Variants in LRP2 observed in about 807,000 individuals in gnomAD.
The protein encoded by LRP2 is LDL receptor related protein 2, also known as low-density lipoprotein receptor-related protein 2.
A neutral mutation model predicts 531.0 loss-of-function variants in LRP2; 172 were observed. That is an observed-to-expected ratio of 0.32 (90% CI 0.29 to 0.37). The LOEUF is 0.37. LRP2 is among the 10% of genes least tolerant of loss of function. The probability of loss-of-function intolerance (pLI) is 1.00; values close to 1 mark genes in which losing one functional copy is unlikely to be tolerated. For synonymous variants in LRP2, 1,992 were observed against 2,027.6 expected (o/e 0.98, Z 0.47); for missense variants, 5,167 against 5,868.3 (o/e 0.88, Z 3.90).
In LRP2 at chr2:169,185,705, C is replaced by T. The variant is rs1011386736; in HGVS notation, c.9643G>A (p.Asp3215Asn). The T allele has an allele frequency of 6.2e-7, 1 of 1,613,966 alleles. No homozygotes were observed. The highest frequency in any genetic ancestry group is 8.5e-7 in the Non-Finnish European group (1 of 1,180,004). ...AAGATGAGGGAGTAAAAATAGCCATCTATAGTTAAATTTCTCAAATAGTAA... is the reference window on the plus strand; with the variant it reads ...AAGATGAGGGAGTAAAAATAGCCATTTATAGTTAAATTTCTCAAATAGTAA... ...NRYYLRNLTIDGYFYSLILEG... is the reference protein window; with the variant it reads ...NRYYLRNLTINGYFYSLILEG... The change falls in exon 50 of 79, where the codon GAT (aspartate) becomes AAT (asparagine). Residue 3215 changes from aspartate to asparagine, a missense_variant. Around this residue, in one of 6 missense-constraint regions of LRP2, gnomAD observed 1,129 missense variants for 1,362.7 expected, o/e 0.83. Transcript: ENST00000649046.
At chr2:169,317,308 G>A (rs1055504734) in intron 3 of LRP2, among the ~76,000 whole-genome samples, 3 of 152,088 alleles carry the variant, frequency 2.0e-5, no homozygotes, top group South Asian at 4.1e-4. Flanking sequence ...TCTGTGAGAG[G>A]AGTAAGAGAA....
intron 32 of LRP2, 51 bp from the exon 33 acceptor site, chr2:169,225,504 C>T: frequency 6.2e-7 from 1 of 1,604,776 alleles, no homozygotes; most frequent in Non-Finnish European, 8.5e-7. Context: ...ATGGCTCCTA[C>T]AAAAGAACCC....
At chr2:169,178,984 G>T (rs993177295) in intron 52 of LRP2, among the ~76,000 whole-genome samples, 8 of 146,006 alleles carry the variant, frequency 5.5e-5, no homozygotes, top group African/African-American at 7.6e-5. Flanking sequence ...GTCACCATCT[G>T]ATTTATTTAT....
chr2:169,354,789 CT>C (rs1333518589), intron 1 of LRP2, among the ~76,000 whole-genome samples: 1 of 152,180 alleles, frequency 6.6e-6, no homozygotes, highest in East Asian at 1.9e-4. Flanking sequence ...GATACGTGTT[CT>C]ACCATTTATG....
At chr2:169,175,711 G>A (rs533639342) in intron 54 of LRP2, among the ~76,000 whole-genome samples, 4 of 152,176 alleles carry the variant, frequency 2.6e-5, no homozygotes, top group Admixed American at 6.5e-5. Context: ...GTGATTGGTT[G>A]AGATTGTCTG....
intron 1 of LRP2, among the ~76,000 whole-genome samples, chr2:169,349,751 C>G (rs569347780): frequency 6.6e-6 from 1 of 152,316 alleles, no homozygotes; most frequent in Non-Finnish European, 1.5e-5. Context: ...AACTCTTGCT[C>G]CAGAGCTTCC....
intron 29 of LRP2, among the ~76,000 whole-genome samples, chr2:169,234,135 TA>T (rs1278629163): frequency 6.6e-6 from 1 of 152,234 alleles, no homozygotes; most frequent in Non-Finnish European, 1.5e-5. Context: ...TTTAATTTTT[TA>T]TTTTTTATTT....
intron 71 of LRP2, among the ~76,000 whole-genome samples, chr2:169,140,816 T>C (rs767065040): frequency 6.6e-6 from 1 of 152,244 alleles, no homozygotes; most frequent in Non-Finnish European, 1.5e-5. Flanking sequence ...TATTAATAGT[T>C]ACAAGAACCT....
chr2:169,198,389 A>T (rs1688076640), intron 45 of LRP2, among the ~76,000 whole-genome samples: 1 of 152,200 alleles, frequency 6.6e-6, no homozygotes, highest in South Asian at 2.1e-4. Flanking sequence ...ACTACAGCCC[A>T]GGTGACAGAG....
intron 74 of LRP2, 53 bp from the exon 75 acceptor site, chr2:169,138,759 A>C: frequency 6.2e-7 from 1 of 1,603,682 alleles, no homozygotes; most frequent in South Asian, 1.1e-5. Flanking sequence ...ACAACAACAA[A>C]AACAACAAAT....
intron 64 of LRP2, among the ~76,000 whole-genome samples, chr2:169,156,719 T>G (rs139687235): frequency 3.3e-5 from 5 of 152,180 alleles, no homozygotes; most frequent in Non-Finnish European, 7.4e-5. Flanking sequence ...ACATTTTCCC[T>G]TTCAGAAGGC....
chr2:169,177,393 T>A (rs1687234615), intron 53 of LRP2, among the ~76,000 whole-genome samples: 1 of 152,200 alleles, frequency 6.6e-6, no homozygotes, highest in South Asian at 2.1e-4. Flanking sequence ...AATATCTAAT[T>A]TATACACAAT....
intron 3 of LRP2, among the ~76,000 whole-genome samples, chr2:169,318,251 T>C (rs192318739): frequency 2.2e-4 from 33 of 152,094 alleles, no homozygotes; most frequent in African/African-American, 7.7e-4. Flanking sequence ...GCTTCATCGC[T>C]ACTATTTTCT....
At chr2:169,140,394 G>A in intron 72 of LRP2, 61 bp downstream of exon 72, 2 of 1,302,550 alleles carry the variant, frequency 1.5e-6, no homozygotes, top group Non-Finnish European at 1.1e-6. Context: ...GCTACTTTAA[G>A]GTCTCAAATT....
chr2:169,271,521 ATAAAT>A (rs1683413088), intron 15 of LRP2: 1 of 158,500 alleles, frequency 6.3e-6, no homozygotes, highest in Non-Finnish European at 1.4e-5. Context: ...AATAGTATAA[ATAAAT>A]AAAATAAAAA....
intron 50 of LRP2, chr2:169,182,540 G>A: frequency 7.1e-7 from 1 of 1,413,418 alleles, no homozygotes. Flanking sequence ...CTTTAAGGTG[G>A]TGTCATGTAG....
intron 1 of LRP2, among the ~76,000 whole-genome samples, chr2:169,327,719 A>G (rs1323656372): frequency 6.3e-5 from 4 of 63,580 alleles, no homozygotes; most frequent in Admixed American, 1.6e-4. Flanking sequence ...GGGGATCAGC[A>G]CCCCGCCCGG....
chr2:169,168,775 T>A, intron 60 of LRP2, 99 bp from the exon 61 acceptor site: 1 of 1,299,868 alleles, frequency 7.7e-7, no homozygotes, highest in African/African-American at 1.5e-5. Flanking sequence ...CATTATAGCC[T>A]GCTCTTCTTT....
intron 76 of LRP2, 115 bp downstream of exon 76, chr2:169,137,277 C>T: frequency 3.7e-6 from 3 of 819,104 alleles, no homozygotes; most frequent in Non-Finnish European, 6.5e-6. Context: ...GCATGGACCA[C>T]TCACTATGCT....
Sources: gnomAD v4.1 joint callset for allele counts (sites outside exome capture counted in the v4.1 genomes callset) on GRCh38, gnomAD v4.1.1 for gene constraint, gnomAD v4.1.1 regional missense constraint, MANE v1.5 for transcripts, NCBI Gene and HGNC (gene_info 2026-07-23, HGNC 2026-07-21) for gene names.